SLC5A10: variants seen among roughly 807,000 people sequenced by gnomAD.
The protein encoded by SLC5A10 is solute carrier family 5 member 10, also known as sodium/mannose cotransporter SLC5A10.
SLC5A10 carries 55 observed loss-of-function variants against 68.9 expected under a neutral mutation model. The observed-to-expected ratio is 0.80, with a 90% CI of 0.64 to 1.00. The LOEUF (loss-of-function observed/expected upper bound fraction) is 1.00, where lower values mean the gene tolerates loss of function less well. SLC5A10 is among the 50% of genes least tolerant of loss of function. The pLI is 0.00. For missense variants in SLC5A10, 732 were observed against 819.3 expected (o/e 0.89, Z 1.30); for synonymous variants, 344 against 344.8 (o/e 1.00, Z 0.02).
In SLC5A10 at chr17:19,019,846, A is replaced by G. The variant is rs1567817719; in HGVS notation, c.1544A>G (p.His515Arg). 1.2e-6 allele frequency: 2 copies of G among 1,613,688 alleles called. No individual in the cohort carries two copies. Among genetic ancestry groups the G allele is most frequent in the South Asian group, 2.2e-5 (2 of 91,044 alleles). ...GTCCTGGGGAGCATCCACTACCTGC[A>G]CTTCGCTGTCGCCCTCTTTGCACTC... ...PAVLGSIHYLHFAVALFALSG... is the reference protein window; with the variant it reads ...PAVLGSIHYLRFAVALFALSG... The change falls in exon 13 of 15, where the codon CAC becomes CGC. Residue 515 changes from histidine to arginine, a missense_variant. Physicochemically the swap from His to Arg is conservative, Grantham distance 29. Coordinates refer to ENST00000395645, the MANE Select transcript of SLC5A10 (RefSeq NM_001042450.4).
upstream of SLC5A10, chr17:18,951,477 G>A (rs943593370): frequency 2.0e-5 from 3 of 152,574 alleles, no homozygotes; most frequent in African/African-American, 7.2e-5. Flanking sequence ...ATCATGTGCA[G>A]AACAGCCACG....
At chr17:18,988,481 G>C in intron 9 of SLC5A10, 2 of 1,587,240 alleles carry the variant, frequency 1.3e-6, no homozygotes, top group Non-Finnish European at 1.7e-6. Context: ...TGCCCTGGCA[G>C]AGCGCACAGC....
intron 8 of SLC5A10, 23 bp from the exon 9 acceptor site, chr17:18,976,831 C>T (rs773418136): frequency 6.2e-7 from 1 of 1,611,638 alleles, no homozygotes; most frequent in South Asian, 1.1e-5. Context: ...TTGGACTCAC[C>T]CCGTCTCGCA....
chr17:18,952,861 A>G (rs1261930214), intron 1 of SLC5A10, among the ~76,000 whole-genome samples: 1 of 152,122 alleles, frequency 6.6e-6, no homozygotes, highest in African/African-American at 2.4e-5. Context: ...CTGACCCCAC[A>G]CACAGATTCC....
intron 3 of SLC5A10, 109 bp from the exon 4 acceptor site, chr17:18,959,495 T>TG: frequency 8.0e-7 from 1 of 1,251,412 alleles, no homozygotes; most frequent in Non-Finnish European, 1.2e-6. Context: ...CAGGAGGGGC[T>TG]GGGGGAAGCC....
chr17:18,993,150 G>A (rs1422559439), intron 9 of SLC5A10, among the ~76,000 whole-genome samples: 7 of 152,092 alleles, frequency 4.6e-5, no homozygotes, highest in Non-Finnish European at 1.0e-4. Context: ...CTTCAGGGGG[G>A]CCCTAAACCA....
At position 19,020,163 on chromosome 17, in the gene SLC5A10, C is replaced by A. The variant is rs1435842254; in HGVS notation, c.1635C>A (p.Asn545Lys). 5 of 1,346,030 alleles carry A rather than the reference C, an allele frequency of 3.7e-6. No homozygotes were observed. The South Asian group carries it at 5.7e-5, about 15-fold the overall frequency. The allele number at this position is 1,346,030 out of a possible 1,614,324, so 83.4% of individuals were successfully genotyped here. A position where few individuals can be genotyped will look rare whatever the true frequency, so the allele number is the denominator to read the frequency against. The change falls in exon 14 of 15, where the codon AAC becomes AAA. Residue 545 changes from asparagine to lysine, a missense_variant. Asn to Lys is a moderately conservative substitution (Grantham distance 94, BLOSUM62 0). Transcript: ENST00000395645. ...TCACTCATTTCTTACAGATTGAGAA[C>A]CTTACCTGGTGGACCCTGGCTCAGG... Reference protein sequence around the residue: ...TPPPQSVQIENLTWWTLAQDV... With the variant: ...TPPPQSVQIEKLTWWTLAQDV...
intron 9 of SLC5A10, among the ~76,000 whole-genome samples, chr17:18,987,736 C>T (rs2043307011): frequency 6.6e-6 from 1 of 152,250 alleles, no homozygotes; most frequent in Non-Finnish European, 1.5e-5. Context: ...GTGCAGCCAT[C>T]GCAGAAGCCT....
In SLC5A10 at chr17:19,004,565, A is replaced by G. The variant is rs1291312461; in HGVS notation, c.983-8845A>G. On this transcript the variant is annotated intron_variant, in intron 9 of 14. Transcript: ENST00000395645. The surrounding 1 kb of genome is among the most constrained non-coding windows in gnomAD (Gnocchi z 5.4). ...TTCCGGGTAAGGGAGGGGTCTTAAA[A>G]TTTCCGGGTGCCGGCAACCCAGGAG... 6.6e-6 allele frequency: 1 copy of G among 151,604 alleles called. No homozygotes were observed. Among genetic ancestry groups the G allele is most frequent in the Non-Finnish European group, 1.5e-5 (1 of 67,898 alleles). 9.4% of individuals were successfully genotyped at this position (151,604 alleles called of 1,614,324 possible).
chr17:18,992,373 CAGG>C (rs2043449300), intron 9 of SLC5A10, among the ~76,000 whole-genome samples: 2 of 152,116 alleles, frequency 1.3e-5, no homozygotes, highest in South Asian at 4.1e-4. Context: ...AGTGCCCTGC[CAGG>C]AGCACCTCCA....
At chr17:19,006,653 G>T (rs1220623860) in intron 9 of SLC5A10, among the ~76,000 whole-genome samples, 1 of 152,122 alleles carries the variant, frequency 6.6e-6, no homozygotes, top group African/African-American at 2.4e-5. Context: ...TCACTACAAA[G>T]ATCTCCTTCT....
intron 9 of SLC5A10, among the ~76,000 whole-genome samples, chr17:18,999,803 T>C (rs185719996): frequency 6.6e-6 from 1 of 152,290 alleles, no homozygotes; most frequent in East Asian, 1.9e-4. Context: ...CAGAGATCAG[T>C]GTTCTGGCCC....
At chr17:18,965,087 T>TAAA (rs1283131713) in intron 5 of SLC5A10, among the ~76,000 whole-genome samples, 1 of 93,636 alleles carries the variant, frequency 1.1e-5, no homozygotes, top group African/African-American at 3.4e-5. Flanking sequence ...GAGGTTTTTT[T>TAAA]AAAAAAAAAA....
At chr17:19,007,898 AGAAAAATTGCAATTC>A (rs143440143) in intron 9 of SLC5A10, among the ~76,000 whole-genome samples, 9,732 of 152,270 alleles carry the variant, frequency 0.064, 1,038 homozygotes, top group African/African-American at 0.22. Flanking sequence ...TTATTTGGGA[AGAAAAATTGCAATTC>A]AGGGCATGCA....
At chr17:18,989,020 G>A (rs904402122) in intron 9 of SLC5A10, among the ~76,000 whole-genome samples, 7 of 152,338 alleles carry the variant, frequency 4.6e-5, no homozygotes, top group South Asian at 2.1e-4. Context: ...GGCCCCAGTG[G>A]GGCTCAGTGA....
chr17:19,005,186 G>A (rs538236634), intron 9 of SLC5A10, among the ~76,000 whole-genome samples: 6 of 152,348 alleles, frequency 3.9e-5, no homozygotes, highest in African/African-American at 1.4e-4. Flanking sequence ...CCCCAGGCAG[G>A]GATAGGGCAC....
rs1249108873 is a variant in SLC5A10 at position 19,017,668 on chromosome 17, C to G, written c.1242-1755C>G. ...CACTGCCCCCCTGCCCCACTCTCCC[C>G]TGTCTGTGTTCCCGGCTGTTCAGTC... On this transcript the variant is annotated intron_variant, in intron 11 of 14. Coordinates refer to ENST00000395645, the MANE Select transcript of SLC5A10 (RefSeq NM_001042450.4). This position sits in a 1 kb window ranked among gnomAD's most constrained non-coding sequence, Gnocchi z 5.6. 2 of 438,498 alleles carry G rather than the reference C, an allele frequency of 4.6e-6. No homozygotes were observed. The highest frequency in any genetic ancestry group is 5.1e-5 in the South Asian group (2 of 39,514). 27.2% of individuals were successfully genotyped at this position (438,498 alleles called of 1,614,324 possible).
At chr17:18,985,471 G>T (rs1597864303) in intron 9 of SLC5A10, among the ~76,000 whole-genome samples, 1 of 152,224 alleles carries the variant, frequency 6.6e-6, no homozygotes, top group Non-Finnish European at 1.5e-5. Context: ...GGGCAGGTTG[G>T]TGCAGAGCTG....
intron 1 of SLC5A10, among the ~76,000 whole-genome samples, chr17:18,956,045 T>G (rs1363643369): frequency 1.3e-5 from 2 of 152,032 alleles, no homozygotes; most frequent in Non-Finnish European, 2.9e-5. Flanking sequence ...AAATACAAAA[T>G]TAGCCGGGCA....
Sources: gnomAD v4.1 joint callset for allele counts (sites outside exome capture counted in the v4.1 genomes callset) on GRCh38, gnomAD v4.1.1 for gene constraint, Gnocchi (gnomAD v3.1) non-coding constraint, MANE v1.5 for transcripts, NCBI Gene and HGNC (gene_info 2026-07-23, HGNC 2026-07-21) for gene names.